Variants in DOCK2 observed in about 807,000 individuals in gnomAD.
DOCK2 encodes dedicator of cytokinesis protein 2.
A neutral mutation model predicts 248.9 loss-of-function variants in DOCK2; 87 were observed. That is an observed-to-expected ratio of 0.35 (90% CI 0.29 to 0.42). The LOEUF (loss-of-function observed/expected upper bound fraction) is 0.42, where lower values mean the gene tolerates loss of function less well. Among genes scored for constraint, DOCK2 ranks in the 10% least tolerant of loss-of-function variants. DOCK2 has a pLI of 1.00. For missense variants in DOCK2, 1,747 were observed against 2,300.2 expected (o/e 0.76, Z 4.92); for synonymous variants, 805 against 821.6 (o/e 0.98, Z 0.35).
At chr5:169,840,402 G>A (rs965690603) in intron 26 of DOCK2, among the ~76,000 whole-genome samples, 3 of 152,098 alleles carry the variant, frequency 2.0e-5, no homozygotes, top group Admixed American at 6.5e-5. Context: ...AGATTTCGCC[G>A]GGGACACAGA....
chr5:169,861,474 A>G (rs1387198245), intron 27 of DOCK2, among the ~76,000 whole-genome samples: 2 of 152,220 alleles, frequency 1.3e-5, no homozygotes. Flanking sequence ...TTTTTAAACT[A>G]CAGAGAAAGC....
intron 30 of DOCK2, among the ~76,000 whole-genome samples, chr5:170,005,749 TA>T (rs959445358): frequency 6.6e-6 from 1 of 150,572 alleles, no homozygotes; most frequent in African/African-American, 2.5e-5. Flanking sequence ...GATTTTTTTT[TA>T]AAAAAAAGAA....
At chr5:170,043,302 C>G (rs553055291) in intron 38 of DOCK2, among the ~76,000 whole-genome samples, 1 of 152,126 alleles carries the variant, frequency 6.6e-6, no homozygotes, top group East Asian at 1.9e-4. Context: ...CTAGTTGTAC[C>G]GTGAAAATAG....
At chr5:169,733,945 A>C (rs575019530) in intron 22 of DOCK2, among the ~76,000 whole-genome samples, 1 of 152,164 alleles carries the variant, frequency 6.6e-6, no homozygotes, top group Non-Finnish European at 1.5e-5. Flanking sequence ...TTCCAAAAAA[A>C]CTATTATTCT....
chr5:169,719,451 A>C (rs930577622), intron 22 of DOCK2, among the ~76,000 whole-genome samples: 1 of 152,208 alleles, frequency 6.6e-6, no homozygotes, highest in Admixed American at 6.5e-5. Flanking sequence ...AATAAGAAAA[A>C]CATTCAAGGA....
At chr5:169,668,911 G>A (rs1029994697) in intron 2 of DOCK2, among the ~76,000 whole-genome samples, 2 of 152,100 alleles carry the variant, frequency 1.3e-5, no homozygotes, top group Admixed American at 1.3e-4. Context: ...TGGTCACAGG[G>A]CCCAGGAAGG....
At chr5:170,075,216 C>G (rs1040726573) in intron 46 of DOCK2, among the ~76,000 whole-genome samples, 2 of 152,148 alleles carry the variant, frequency 1.3e-5, no homozygotes, top group African/African-American at 4.8e-5. Context: ...CTAAAGTTCT[C>G]AGTTCTCTTT....
chr5:170,056,996 G>T (rs996851301), intron 43 of DOCK2: 1 of 501,940 alleles, frequency 2.0e-6, no homozygotes, highest in Non-Finnish European at 3.5e-6. Flanking sequence ...CATGTCAGAG[G>T]CACTTTTTCA....
At chr5:169,873,792 A>G (rs1446997691) in intron 27 of DOCK2, among the ~76,000 whole-genome samples, 1 of 152,180 alleles carries the variant, frequency 6.6e-6, no homozygotes, top group Non-Finnish European at 1.5e-5. Flanking sequence ...CTTAACCAAG[A>G]AGGAAACTCC....
rs1054543737 is a variant in DOCK2 at position 169,841,454 on chromosome 5, A to G, written c.2799+602A>G. Reference sequence around the variant, plus strand: ...CCATCGTGCTTTAAACCAAGGACCCAAAATTCAAATGCTTTCAGGGGCCAG... The same window carrying G: ...CCATCGTGCTTTAAACCAAGGACCCGAAATTCAAATGCTTTCAGGGGCCAG... On this transcript the variant is annotated intron_variant, in intron 27 of 51. Transcript: ENST00000520908. 6.1e-6 allele frequency: 6 copies of G among 985,550 alleles called. No homozygotes were observed. The African/African-American group carries it at 1.0e-4, about 17-fold the overall frequency. The allele number at this position is 985,550 out of a possible 1,614,324, so 61.1% of individuals were successfully genotyped here.
intron 27 of DOCK2, among the ~76,000 whole-genome samples, chr5:169,912,913 A>C (rs1041642750): frequency 2.0e-5 from 3 of 151,994 alleles, no homozygotes; most frequent in Admixed American, 6.6e-5. Context: ...TTCCTTGTCT[A>C]GAAGTAACAT....
At position 170,018,371 on chromosome 5, in the gene DOCK2, G is replaced by T. The variant is rs529891269; in HGVS notation, c.3233-589G>T. On this transcript the variant is annotated intron_variant, in intron 32 of 51. Transcript: ENST00000520908. ...TGTGACATTTGAGCAACCCCAGCTA[G>T]GCTAGAATGCCAGGAGCCAGGGGAG... Among the ~76,000 whole-genome samples the T allele has an allele frequency of 7.2e-5, 11 of 152,280 alleles. No individual in the cohort carries two copies. In the East Asian group the frequency reaches 2.1e-3, roughly 29 times the overall value.
intron 26 of DOCK2, among the ~76,000 whole-genome samples, chr5:169,817,912 A>C (rs1768171854): frequency 6.6e-6 from 1 of 152,244 alleles, no homozygotes; most frequent in South Asian, 2.1e-4. Flanking sequence ...ATACATGCTG[A>C]CACTAATTTT....
intron 25 of DOCK2, among the ~76,000 whole-genome samples, chr5:169,773,934 C>T (rs961684736): frequency 3.3e-5 from 5 of 152,154 alleles, no homozygotes; most frequent in East Asian, 1.9e-4. Flanking sequence ...CCATGTAAGA[C>T]GTGCCTTTTG....
At chr5:169,688,763 G>T (rs774940697) in intron 8 of DOCK2, among the ~76,000 whole-genome samples, 2 of 152,142 alleles carry the variant, frequency 1.3e-5, no homozygotes, top group African/African-American at 2.4e-5. Flanking sequence ...GACCCTATAT[G>T]ACCCATCACT....
At chr5:170,034,589 A>C in intron 35 of DOCK2, 34 bp downstream of exon 35, 1 of 1,611,558 alleles carries the variant, frequency 6.2e-7, no homozygotes, top group Non-Finnish European at 8.5e-7. Flanking sequence ...GTCAGACCAG[A>C]ACCCTGTGGG....
At chr5:169,684,839 G>A (rs532630288) in intron 8 of DOCK2, among the ~76,000 whole-genome samples, 1 of 152,284 alleles carries the variant, frequency 6.6e-6, no homozygotes, top group South Asian at 2.1e-4. Context: ...TATAGAGGCA[G>A]GGTCTTGCTG....
At chr5:170,081,738 C>T in intron 50 of DOCK2, 104 bp from the exon 51 acceptor site, 1 of 1,312,638 alleles carries the variant, frequency 7.6e-7, no homozygotes, top group Non-Finnish European at 1.0e-6. Flanking sequence ...TGTGTGATCC[C>T]TGGATGCTGG....
chr5:169,974,378 T>G (rs990973700), intron 27 of DOCK2, among the ~76,000 whole-genome samples: 1 of 152,248 alleles, frequency 6.6e-6, no homozygotes, highest in Non-Finnish European at 1.5e-5. Flanking sequence ...CTCTTTCTTC[T>G]GGTTTTTTCT....
Sources: allele counts gnomAD v4.1 joint callset (sites outside exome capture counted in the v4.1 genomes callset), GRCh38; gene constraint gnomAD v4.1.1; transcripts MANE v1.5; gene names NCBI Gene and HGNC (gene_info 2026-07-23, HGNC 2026-07-21).